Variants in SMARCC1 observed in about 807,000 individuals in gnomAD.
The protein encoded by SMARCC1 is SWI/SNF complex subunit SMARCC1.
In SMARCC1, 43 loss-of-function variants were observed where a neutral mutation model predicts 147.4. That is an observed-to-expected ratio of 0.29 (90% CI 0.23 to 0.38). The LOEUF is 0.38. SMARCC1 is among the 10% of genes least tolerant of loss of function. SMARCC1 has a pLI of 1.00. For missense variants in SMARCC1, 1,119 were observed against 1,381.1 expected (o/e 0.81, Z 3.01); for synonymous variants, 495 against 484.4 (o/e 1.02, Z -0.29).
rs77321798 is a variant in SMARCC1 at position 47,766,288 on chromosome 3, G to A, written c.315+6529C>T. Among the ~76,000 whole-genome samples, 593 of 152,002 alleles carry A rather than the reference G, an allele frequency of 3.9e-3. 5 individuals carry two copies. The highest frequency in any genetic ancestry group is 0.013 in the African/African-American group (537 of 41,472). On this transcript the variant is annotated intron_variant, in intron 2 of 27. Transcript: ENST00000254480. ...CAGAATAAAAAAACAGCTCTAGGCC[G>A]GGCACTGTGGCTCATGTCTGTAAAC...
chr3:47,623,389 T>C (rs980531843), intron 24 of SMARCC1, among the ~76,000 whole-genome samples: 1 of 152,232 alleles, frequency 6.6e-6, no homozygotes, highest in South Asian at 2.1e-4. Flanking sequence ...GGAGCAACCA[T>C]GCAACTTAAT....
At chr3:47,774,483 T>C (rs1308807127) in intron 1 of SMARCC1, among the ~76,000 whole-genome samples, 2 of 152,046 alleles carry the variant, frequency 1.3e-5, no homozygotes, top group African/African-American at 4.8e-5. Context: ...AGTGGCGCAA[T>C]CTCTGCTCAG....
intron 6 of SMARCC1, among the ~76,000 whole-genome samples, chr3:47,726,061 CAAAAAAAAAAA>C (rs546659321): frequency 2.0e-5 from 1 of 50,782 alleles, no homozygotes; most frequent in African/African-American, 7.7e-5. Flanking sequence ...GACTCTGTCT[CAAAAAAAAAAA>C]AAAAAAAAAG....
intron 2 of SMARCC1, 45 bp from the exon 3 acceptor site, chr3:47,746,038 C>A (rs779663029): frequency 1.7e-6 from 2 of 1,180,244 alleles, no homozygotes; most frequent in Non-Finnish European, 2.4e-6. Flanking sequence ...AAGCTTCTGA[C>A]AAAATTACTC....
At chr3:47,621,298 C>CAAAAAAAAAAA (rs1183934374) in intron 25 of SMARCC1, among the ~76,000 whole-genome samples, 1 of 63,226 alleles carries the variant, frequency 1.6e-5, no homozygotes, top group Non-Finnish European at 3.5e-5. Flanking sequence ...GACTCCGTCT[C>CAAAAAAAAAAA]AAAAAAAAAA....
intron 17 of SMARCC1, 99 bp from the exon 18 acceptor site, chr3:47,675,687 C>G: frequency 1.6e-6 from 1 of 627,356 alleles, no homozygotes; most frequent in Non-Finnish European, 2.9e-6. Flanking sequence ...GTGGCTCACA[C>G]CTATAATCCC....
At chr3:47,768,696 A>G (rs778790814) in intron 2 of SMARCC1, among the ~76,000 whole-genome samples, 2 of 152,198 alleles carry the variant, frequency 1.3e-5, no homozygotes, top group Non-Finnish European at 2.9e-5. Flanking sequence ...ATAATGTAAG[A>G]GAACAGGAAA....
intron 18 of SMARCC1, among the ~76,000 whole-genome samples, chr3:47,673,899 T>C (rs1392876309): frequency 2.6e-5 from 4 of 152,202 alleles, no homozygotes; most frequent in African/African-American, 9.6e-5. Flanking sequence ...TTAGTTTTTC[T>C]TGGATCTGAA....
chr3:47,710,577 GA>G lies in SMARCC1; in HGVS notation c.918+105del, dbSNP rs2034072963. On this transcript the variant is annotated intron_variant, in intron 9 of 27. Coordinates refer to ENST00000254480, the MANE Select transcript of SMARCC1 (RefSeq NM_003074.4). ...GGCACATCAGCCATCAGGCAGATGT[GA>G]AAGTTCCTAAGTGGTTTGTATATGA... 6.9e-6 allele frequency: 8 copies of G among 1,151,768 alleles called. No homozygotes were observed. In the South Asian group the frequency reaches 1.4e-4, roughly 20 times the overall value. 71.3% of individuals were successfully genotyped at this position (1,151,768 alleles called of 1,614,324 possible).
At chr3:47,711,182 C>CT (rs1329574230) in intron 8 of SMARCC1, among the ~76,000 whole-genome samples, 5 of 152,156 alleles carry the variant, frequency 3.3e-5, no homozygotes, top group African/African-American at 9.7e-5. Flanking sequence ...CAACAACACT[C>CT]TAAGTGTTGA....
intron 6 of SMARCC1, among the ~76,000 whole-genome samples, chr3:47,728,731 A>C (rs918577116): frequency 6.6e-6 from 1 of 152,062 alleles, no homozygotes; most frequent in Non-Finnish European, 1.5e-5. Context: ...AACATGGTGA[A>C]ATTCTTGTCT....
At position 47,692,779 on chromosome 3, in the gene SMARCC1, T is replaced by C. The variant is rs372592983; in HGVS notation, c.1225+462A>G. ...GGCTCACGCCTGTAATCCCAGCACT[T>C]TGGGAGGCCGAGACAGGCGGATCAT... On this transcript the variant is annotated intron_variant, in intron 12 of 27. Transcript: ENST00000254480. Among the ~76,000 whole-genome samples the C allele has an allele frequency of 5.3e-5, 8 of 152,126 alleles. 1 individual carries two copies. The highest frequency in any genetic ancestry group is 1.4e-4 in the African/African-American group (6 of 41,488).
chr3:47,659,868 C>T (rs916170066), intron 21 of SMARCC1, among the ~76,000 whole-genome samples: 1 of 150,504 alleles, frequency 6.6e-6, no homozygotes, highest in African/African-American at 2.4e-5. Flanking sequence ...ATACAAACCC[C>T]AACATCAAAC....
At chr3:47,773,629 A>C (rs1191442754) in intron 1 of SMARCC1, among the ~76,000 whole-genome samples, 1 of 151,616 alleles carries the variant, frequency 6.6e-6, no homozygotes, top group African/African-American at 2.4e-5. Context: ...ACTCTCAAAA[A>C]ATTTTTTTTC....
chr3:47,605,026 C>T (rs534571824), intron 26 of SMARCC1, among the ~76,000 whole-genome samples: 1 of 152,168 alleles, frequency 6.6e-6, no homozygotes, highest in South Asian at 2.1e-4. Flanking sequence ...TTTAATTTTA[C>T]TCTTTAACAG....
intron 26 of SMARCC1, among the ~76,000 whole-genome samples, chr3:47,605,924 G>A (rs985478574): frequency 1.3e-5 from 2 of 151,932 alleles, no homozygotes; most frequent in African/African-American, 2.4e-5. Flanking sequence ...AGTATGATGA[G>A]GGCCTCTGTG....
At chr3:47,768,371 G>A (rs560312679) in intron 2 of SMARCC1, among the ~76,000 whole-genome samples, 5 of 151,936 alleles carry the variant, frequency 3.3e-5, no homozygotes, top group East Asian at 3.9e-4. Context: ...TTTTAATTAC[G>A]GCTTCTGCCT....
At chr3:47,725,223 T>C (rs2034284263) in intron 6 of SMARCC1, among the ~76,000 whole-genome samples, 1 of 151,804 alleles carries the variant, frequency 6.6e-6, no homozygotes, top group Non-Finnish European at 1.5e-5. Context: ...ACATAAGAGA[T>C]CGTATGTCAT....
chr3:47,775,454 C>G (rs112988567), intron 1 of SMARCC1, among the ~76,000 whole-genome samples: 2,427 of 148,714 alleles, frequency 0.016, 80 homozygotes, highest in African/African-American at 0.057. Context: ...GCCACCGCGC[C>G]CAGCCCCGTA....
Sources: allele counts gnomAD v4.1 joint callset (sites outside exome capture counted in the v4.1 genomes callset), GRCh38; gene constraint gnomAD v4.1.1; transcripts MANE v1.5; gene names NCBI Gene and HGNC (gene_info 2026-07-23, HGNC 2026-07-21).